Variants in DACH1 observed in about 807,000 individuals in gnomAD.
DACH1 encodes the protein dachshund homolog 1.
In DACH1, 12 loss-of-function variants were observed where a neutral mutation model predicts 54.2. The ratio of observed to expected loss-of-function variants is 0.22; its 90% CI spans 0.14 to 0.36. DACH1 has a LOEUF of 0.36. DACH1 is among the 10% of genes least tolerant of loss of function. The probability of loss-of-function intolerance (pLI) is 1.00; values close to 1 mark genes in which losing one functional copy is unlikely to be tolerated. For missense variants in DACH1, 805 were observed against 929.8 expected (o/e 0.87, Z 1.75); for synonymous variants, 386 against 366.2 (o/e 1.05, Z -0.62).
At chr13:71,734,955 GAT>G (rs140707445) in intron 1 of DACH1, among the ~76,000 whole-genome samples, 90,352 of 143,706 alleles carry the variant, frequency 0.63, 34,831 homozygotes, top group Non-Finnish European at 0.87. Flanking sequence ...ACACACACAG[GAT>G]ATATATATAT....
At chr13:71,683,625 T>A (rs553125804) in intron 1 of DACH1, among the ~76,000 whole-genome samples, 4 of 152,106 alleles carry the variant, frequency 2.6e-5, no homozygotes, top group African/African-American at 9.7e-5. Context: ...AGGGATATTG[T>A]CGTGCTTATT....
At chr13:71,579,192 C>A (rs1885714007) in intron 3 of DACH1, among the ~76,000 whole-genome samples, 1 of 151,914 alleles carries the variant, frequency 6.6e-6, no homozygotes, top group Admixed American at 6.6e-5. Flanking sequence ...ATTTTGTATG[C>A]ATTGTTTATA....
chr13:71,537,260 T>C (rs773793544), intron 6 of DACH1, among the ~76,000 whole-genome samples: 9 of 152,216 alleles, frequency 5.9e-5, no homozygotes, highest in Middle Eastern at 3.4e-3. Flanking sequence ...CTTTGCGTTA[T>C]CATTCAGCCG....
chr13:71,544,812 G>A (rs1883354849), intron 6 of DACH1, among the ~76,000 whole-genome samples: 1 of 151,970 alleles, frequency 6.6e-6, no homozygotes, highest in South Asian at 2.1e-4. Context: ...GGGCCCTCCA[G>A]ATTCACTGTC....
At chr13:71,475,593 T>G (rs1877442717) in intron 9 of DACH1, 113 bp downstream of exon 9, 1 of 1,242,654 alleles carries the variant, frequency 8.0e-7, no homozygotes, top group African/African-American at 1.5e-5. Flanking sequence ...GCTTCAAGTA[T>G]AGCTGAATGA....
At chr13:71,719,320 A>G (rs1176901919) in intron 1 of DACH1, among the ~76,000 whole-genome samples, 2 of 152,174 alleles carry the variant, frequency 1.3e-5, no homozygotes, top group Admixed American at 6.5e-5. Flanking sequence ...TTATTTAATC[A>G]TAGGATTTTC....
intron 10 of DACH1, among the ~76,000 whole-genome samples, chr13:71,451,460 T>C (rs1875050806): frequency 6.6e-6 from 1 of 152,000 alleles, no homozygotes; most frequent in Admixed American, 6.6e-5. Context: ...ACTATCAAAA[T>C]TAATGCCACA....
chr13:71,585,857 C>A (rs1873211819), intron 3 of DACH1, among the ~76,000 whole-genome samples: 1 of 151,926 alleles, frequency 6.6e-6, no homozygotes, highest in African/African-American at 2.4e-5. Flanking sequence ...ATGACCAGGG[C>A]AGGATTCCTG....
chr13:71,478,959 T>C (rs1045430578), intron 8 of DACH1, among the ~76,000 whole-genome samples: 2 of 152,176 alleles, frequency 1.3e-5, no homozygotes, highest in Non-Finnish European at 2.9e-5. Context: ...GTAATGGATG[T>C]ATTTCAATTT....
At chr13:71,517,622 G>A (rs1056062623) in intron 6 of DACH1, among the ~76,000 whole-genome samples, 1 of 151,762 alleles carries the variant, frequency 6.6e-6, no homozygotes, top group Non-Finnish European at 1.5e-5. Flanking sequence ...AAACGTTAAG[G>A]AAATAAGTAG....
chr13:71,492,851 T>C (rs1002597807), intron 6 of DACH1, among the ~76,000 whole-genome samples: 1 of 151,884 alleles, frequency 6.6e-6, no homozygotes, highest in Admixed American at 6.6e-5. Flanking sequence ...TGTATATTTC[T>C]TAAGTACAAG....
At chr13:71,575,879 G>A (rs1885496288) in intron 3 of DACH1, among the ~76,000 whole-genome samples, 1 of 152,032 alleles carries the variant, frequency 6.6e-6, no homozygotes, top group Non-Finnish European at 1.5e-5. Context: ...TATACAATAT[G>A]TAACCAAGTC....
intron 3 of DACH1, among the ~76,000 whole-genome samples, chr13:71,590,458 GA>G (rs1447722310): frequency 1.3e-5 from 2 of 152,118 alleles, no homozygotes; most frequent in Admixed American, 6.5e-5. Flanking sequence ...AAATTTGATG[GA>G]TAAATACACA....
At chr13:71,672,537 C>T (rs1384521035) in intron 2 of DACH1, among the ~76,000 whole-genome samples, 3 of 152,024 alleles carry the variant, frequency 2.0e-5, no homozygotes, top group African/African-American at 4.8e-5. Context: ...ACCTACAGCA[C>T]ATCATTAAGG....
intron 2 of DACH1, among the ~76,000 whole-genome samples, chr13:71,637,581 C>A (rs1394035730): frequency 6.6e-6 from 1 of 152,154 alleles, no homozygotes; most frequent in Non-Finnish European, 1.5e-5. Flanking sequence ...AAAGCCTTCA[C>A]TAGTTTAAAT....
chr13:71,803,641 AG>A (rs1302725663), intron 1 of DACH1, among the ~76,000 whole-genome samples: 1 of 152,182 alleles, frequency 6.6e-6, no homozygotes, highest in Admixed American at 6.6e-5. Flanking sequence ...CAAATTATGA[AG>A]AAAAAAATCA....
chr13:71,807,177 T>G (rs1887535092), intron 1 of DACH1, among the ~76,000 whole-genome samples: 1 of 152,172 alleles, frequency 6.6e-6, no homozygotes. Context: ...AAGTAATATT[T>G]GTGCTATATT....
intron 1 of DACH1, among the ~76,000 whole-genome samples, chr13:71,822,757 G>A (rs1888239977): frequency 1.3e-5 from 2 of 152,222 alleles, no homozygotes; most frequent in Admixed American, 1.3e-4. Flanking sequence ...GGAGCAAGTG[G>A]CTAATAGTTC....
intron 1 of DACH1, among the ~76,000 whole-genome samples, chr13:71,785,143 T>C (rs1886539971): frequency 1.3e-5 from 2 of 152,086 alleles, no homozygotes; most frequent in Admixed American, 6.6e-5. Flanking sequence ...TTAATAAGGG[T>C]CCAATTAGCT....
Sources: allele counts gnomAD v4.1 joint callset (sites outside exome capture counted in the v4.1 genomes callset), GRCh38; gene constraint gnomAD v4.1.1; transcripts MANE v1.5; gene names NCBI Gene and HGNC (gene_info 2026-07-23, HGNC 2026-07-21).